HAUS8: variants seen among roughly 807,000 people sequenced by gnomAD.
HAUS8 encodes the protein HAUS augmin-like complex subunit 8.
Under a neutral mutation model 42.9 loss-of-function variants are expected in HAUS8, and 38 were observed. The ratio of observed to expected loss-of-function variants is 0.89; its 90% CI spans 0.68 to 1.16. The LOEUF is 1.16. Among genes scored for constraint, HAUS8 ranks in the 50% most tolerant of loss-of-function variants. The probability of loss-of-function intolerance (pLI) is 0.00; values close to 1 mark genes in which losing one functional copy is unlikely to be tolerated. For missense variants in HAUS8, 494 were observed against 511.6 expected, an observed-to-expected ratio of 0.97 and a Z score of 0.33; for synonymous variants, 199 against 205.8, an observed-to-expected ratio of 0.97 and a Z score of 0.28.
intron 5 of HAUS8, 114 bp downstream of exon 5, chr19:17,059,883 T>C: frequency 1.3e-6 from 1 of 780,014 alleles, no homozygotes; most frequent in East Asian, 2.5e-5. Context: ...TATTTTCAAC[T>C]TACAATGGGT....
At chr19:17,070,525 C>G (rs922715646) in intron 2 of HAUS8, among the ~76,000 whole-genome samples, 1 of 152,198 alleles carries the variant, frequency 6.6e-6, no homozygotes, top group Non-Finnish European at 1.5e-5. Context: ...CGTGGACCCC[C>G]TTGCTGTGCA....
upstream of HAUS8, chr19:17,075,490 G>C (rs969823442): frequency 5.7e-6 from 9 of 1,576,106 alleles, 1 homozygote; most frequent in African/African-American, 1.2e-4. Context: ...CCTTGCTTGC[G>C]GGTCGGACCA....
At chr19:17,066,948 T>C (rs898323672) in intron 3 of HAUS8, among the ~76,000 whole-genome samples, 3 of 152,148 alleles carry the variant, frequency 2.0e-5, no homozygotes, top group Non-Finnish European at 2.9e-5. Context: ...CTCATGCCTG[T>C]AATCCCAGCA....
At chr19:17,058,950 G>T in intron 6 of HAUS8, 74 bp from the exon 7 acceptor site, 1 of 1,199,910 alleles carries the variant, frequency 8.3e-7, no homozygotes, top group Non-Finnish European at 1.2e-6. Flanking sequence ...AGCAGGGGGA[G>T]AACTCTGGCT....
chr19:17,051,619 G>A (rs930312465), intron 10 of HAUS8: 1 of 151,576 alleles, frequency 6.6e-6, no homozygotes, highest in South Asian at 2.1e-4. Flanking sequence ...TGAATGATAG[G>A]TGACACCCTT....
intron 2 of HAUS8, among the ~76,000 whole-genome samples, chr19:17,072,114 A>G (rs917420810): frequency 2.0e-5 from 3 of 152,238 alleles, no homozygotes; most frequent in African/African-American, 7.2e-5. Flanking sequence ...CGAGATTAAC[A>G]TGCGATGTTT....
intron 3 of HAUS8, among the ~76,000 whole-genome samples, chr19:17,068,099 C>CTTTTTTTTTTT: frequency 2.1e-5 from 2 of 93,504 alleles, no homozygotes; most frequent in Non-Finnish European, 4.2e-5. Context: ...TTATTTTATT[C>CTTTTTTTTTTT]TTTTTTTTTT....
Position 17,073,282 on chromosome 19 carries a change from C to T in HAUS8, c.83G>A (p.Arg28Lys). 6.2e-7 allele frequency: 1 copy of T among 1,613,850 alleles called. No homozygotes were observed. The highest frequency in any genetic ancestry group is 8.5e-7 in the Non-Finnish European group (1 of 1,179,742). ...ATCCTGACACTGCTTACCTTGAACTCTTTTATCCTTCTTCTTGGCACTGCT... is the reference window on the plus strand; with the variant it reads ...ATCCTGACACTGCTTACCTTGAACTTTTTTATCCTTCTTCTTGGCACTGCT... ...NSSSAKKKDK[R>K]VQGGRVIESR... The change falls in exon 2 of 11, where the codon AGA becomes AAA. Residue 28 changes from arginine to lysine, a missense_variant. By Grantham distance (26) the Arg-to-Lys change is conservative (BLOSUM62 2). Coordinates refer to ENST00000253669, the MANE Select transcript of HAUS8 (RefSeq NM_033417.2).
intron 10 of HAUS8, 51 bp from the exon 11 acceptor site, chr19:17,050,227 G>C (rs370679529): frequency 3.6e-6 from 5 of 1,376,922 alleles, no homozygotes; most frequent in Non-Finnish European, 4.8e-6. Context: ...GAGGTGAAGC[G>C]CATGTGTGTG....
intron 2 of HAUS8, among the ~76,000 whole-genome samples, chr19:17,070,314 C>T (rs946528917): frequency 6.6e-6 from 1 of 152,066 alleles, no homozygotes; most frequent in Admixed American, 6.6e-5. Context: ...CCAGGCACAA[C>T]CACTGCTCGT....
intron 9 of HAUS8, among the ~76,000 whole-genome samples, chr19:17,053,953 GT>G (rs1380416178): frequency 6.6e-6 from 1 of 152,090 alleles, no homozygotes; most frequent in Non-Finnish European, 1.5e-5. Context: ...ATGAGCCACC[GT>G]GCTGAGCCTG....
chr19:17,060,222 G>T, intron 4 of HAUS8, 130 bp from the exon 5 acceptor site: 12 of 289,154 alleles, frequency 4.2e-5, no homozygotes, highest in Non-Finnish European at 5.1e-5. Context: ...AAGGTGGAAA[G>T]GCTAAAAAAA....
intron 9 of HAUS8, 69 bp from the exon 10 acceptor site, chr19:17,053,035 C>G: frequency 6.3e-7 from 1 of 1,583,324 alleles, no homozygotes; most frequent in Non-Finnish European, 8.7e-7. Flanking sequence ...ACAAGTGGAG[C>G]GGCCGACAGA....
In HAUS8 at chr19:17,062,694, G is replaced by A. The variant is rs371535702; in HGVS notation, c.229+4C>T. 9.9e-6 allele frequency: 16 copies of A among 1,612,902 alleles called. No individual in the cohort carries two copies. The highest frequency in any genetic ancestry group is 6.7e-5 in the African/African-American group (5 of 74,874). On this transcript the variant is annotated splice_donor_region_variant and intron_variant, in intron 4 of 10. Coordinates refer to ENST00000253669, the MANE Select transcript of HAUS8 (RefSeq NM_033417.2). Reference sequence around the variant, plus strand: ...ACTGCCCGAGGACCATGGCTGTTTCGCACCTTTGCTTTTCTGGAGCAGGCT... The same window carrying A: ...ACTGCCCGAGGACCATGGCTGTTTCACACCTTTGCTTTTCTGGAGCAGGCT...
intron 9 of HAUS8, among the ~76,000 whole-genome samples, chr19:17,055,516 T>G (rs1467252736): frequency 2.0e-5 from 3 of 151,930 alleles, no homozygotes; most frequent in Non-Finnish European, 4.4e-5. Flanking sequence ...ACCTCACTGC[T>G]CTGCTGAGGG....
At chr19:17,065,274 T>C (rs1043591116) in intron 3 of HAUS8, among the ~76,000 whole-genome samples, 8 of 152,194 alleles carry the variant, frequency 5.3e-5, no homozygotes, top group Non-Finnish European at 8.8e-5. Context: ...TACCATTATA[T>C]AGAGATGTTT....
intron 1 of HAUS8, 26 bp downstream of exon 1, chr19:17,075,368 C>T: frequency 6.2e-7 from 1 of 1,613,648 alleles, no homozygotes; most frequent in South Asian, 1.1e-5. Context: ...GTCTACAAAT[C>T]CAGACCTGCG....
At chr19:17,052,383 A>C (rs897534611) in intron 10 of HAUS8, 4 of 165,226 alleles carry the variant, frequency 2.4e-5, no homozygotes, top group African/African-American at 9.7e-5. Flanking sequence ...CTTCACCTAG[A>C]GTCCCCATTA....
chr19:17,065,209 C>T lies in HAUS8; in HGVS notation c.148-2430G>A, dbSNP rs1221561673. ...ACAACTTGCACTTTTCATCTATGTG[C>T]CTAGTGGGAACATAAAGATGGTGCA... On this transcript the variant is annotated intron_variant, in intron 3 of 10. Transcript: ENST00000253669. Among the ~76,000 whole-genome samples the T allele has an allele frequency of 5.9e-5, 9 of 152,320 alleles. No homozygotes were observed. The South Asian group carries it at 1.4e-3, about 25-fold the overall frequency.
Sources: gnomAD v4.1 joint callset for allele counts (sites outside exome capture counted in the v4.1 genomes callset) on GRCh38, gnomAD v4.1.1 for gene constraint, MANE v1.5 for transcripts, NCBI Gene and HGNC (gene_info 2026-07-23, HGNC 2026-07-21) for gene names.